PKP2: variants seen among roughly 807,000 people sequenced by gnomAD.
The protein encoded by PKP2 is plakophilin-2.
In PKP2, 73 loss-of-function variants were observed where a neutral mutation model predicts 83.4. The ratio of observed to expected loss-of-function variants is 0.88; its 90% CI spans 0.72 to 1.06. The LOEUF (loss-of-function observed/expected upper bound fraction) is 1.06, where lower values mean the gene tolerates loss of function less well. Among genes scored for constraint, PKP2 ranks in the 50% least tolerant of loss-of-function variants. The probability of loss-of-function intolerance (pLI) is 0.00; values close to 1 mark genes in which losing one functional copy is unlikely to be tolerated. For synonymous variants in PKP2, 409 were observed against 430.4 expected (o/e 0.95, Z 0.62); for missense variants, 966 against 1,065.4 (o/e 0.91, Z 1.30).
chr12:32,820,806 G>C (rs1174250226), intron 9 of PKP2: 1 of 170,412 alleles, frequency 5.9e-6, no homozygotes, highest in East Asian at 1.6e-4. Flanking sequence ...TCAGAAATGG[G>C]CAAGAGGCCC....
At chr12:32,858,093 A>ATATATATATATATATATATATT (rs2137886601) in intron 4 of PKP2, among the ~76,000 whole-genome samples, 1 of 79,780 alleles carries the variant, frequency 1.3e-5, no homozygotes, top group East Asian at 2.5e-4. Flanking sequence ...AAATATATAT[A>ATATATATATATATATATATATT]TATATATATA....
chr12:32,871,700 GT>G (rs1162637444), intron 3 of PKP2, among the ~76,000 whole-genome samples: 3 of 151,834 alleles, frequency 2.0e-5, no homozygotes, highest in Non-Finnish European at 4.4e-5. Flanking sequence ...TCCTGACCTC[GT>G]GATCCACCCA....
At chr12:32,811,014 G>A (rs1389432347) in intron 9 of PKP2, among the ~76,000 whole-genome samples, 1 of 152,208 alleles carries the variant, frequency 6.6e-6, no homozygotes, top group African/African-American at 2.4e-5. Context: ...AATTTCAGCT[G>A]GGAGATGAGC....
chr12:32,824,302 A>C, intron 6 of PKP2, 140 bp from the exon 7 acceptor site: 1 of 709,346 alleles, frequency 1.4e-6, no homozygotes, highest in Non-Finnish European at 2.6e-6. Context: ...TTGCCCAGTC[A>C]ACAAATCATT....
intron 9 of PKP2, among the ~76,000 whole-genome samples, chr12:32,814,817 T>G (rs1956305754): frequency 6.6e-6 from 1 of 151,770 alleles, no homozygotes; most frequent in Non-Finnish European, 1.5e-5. Flanking sequence ...CTCAGCTACT[T>G]GGGAGGCTGA....
chr12:32,878,954 C>G lies in PKP2; in HGVS notation c.302G>C (p.Arg101Pro). 1 of 1,600,254 alleles carries G rather than the reference C, an allele frequency of 6.2e-7. No homozygotes were observed. The highest frequency in any genetic ancestry group is 8.6e-7 in the Non-Finnish European group (1 of 1,169,196). ...HLVENDFVGG[R>P]SPVPKTYDML... is the part of the protein sequence containing the mutation. Reference sequence around the variant, plus strand: ...GTCATAGGTTTTAGGAACAGGGGAACGGCCTCCAACAAAATCATTTTCAAC... The same window carrying G: ...GTCATAGGTTTTAGGAACAGGGGAAGGGCCTCCAACAAAATCATTTTCAAC... Residue 101 changes from arginine to proline, a missense_variant, in exon 2 of 13, where the codon CGT (arginine) becomes CCT (proline). By Grantham distance (103) the Arg-to-Pro change is moderately radical (BLOSUM62 -2). Coordinates refer to ENST00000340811, the MANE Select transcript of PKP2 (RefSeq NM_001005242.3).
intron 1 of PKP2, among the ~76,000 whole-genome samples, chr12:32,887,790 TA>T (rs1957043089): frequency 6.6e-6 from 1 of 152,214 alleles, no homozygotes; most frequent in African/African-American, 2.4e-5. Flanking sequence ...TTGTTTGAGG[TA>T]TTAGAATATG....
rs1484820531 is a variant in PKP2, at chr12:32,824,061, TA to T, written c.1657del (p.Tyr553ThrfsTer59). ...VHYVRGTIAD[Y>X]QPDDKATENC... ...TTGAATTACCTTGTCATCTGGCTGGTAATCTGCAATGGTTCCTCTGACATAA... is the reference window on the plus strand; with the variant it reads ...TTGAATTACCTTGTCATCTGGCTGGTATCTGCAATGGTTCCTCTGACATAA... On this transcript the variant is annotated frameshift_variant, in exon 7 of 13. Coordinates refer to ENST00000340811, the MANE Select transcript of PKP2 (RefSeq NM_001005242.3). LOFTEE classifies it high-confidence loss of function. 1.3e-6 allele frequency: 2 copies of T among 1,586,532 alleles called. No individual in the cohort carries two copies. Among genetic ancestry groups the T allele is most frequent in the South Asian group, 2.2e-5 (2 of 90,540 alleles).
At chr12:32,841,254 A>T in intron 5 of PKP2, 49 bp from the exon 6 acceptor site, 1 of 1,499,274 alleles carries the variant, frequency 6.7e-7, no homozygotes, top group Non-Finnish European at 9.2e-7. Flanking sequence ...TGGGACCAAA[A>T]TGACCGCTGA....
chr12:32,865,524 A>G (rs1359293789), intron 4 of PKP2, among the ~76,000 whole-genome samples: 1 of 151,854 alleles, frequency 6.6e-6, no homozygotes, highest in Non-Finnish European at 1.5e-5. Context: ...CCACTAAAAA[A>G]AAAATACAAA....
intron 1 of PKP2, among the ~76,000 whole-genome samples, chr12:32,885,670 A>C (rs7303421): frequency 0.033 from 4,347 of 133,514 alleles, 144 homozygotes; most frequent in African/African-American, 0.1. Flanking sequence ...TCCCCCCCCC[A>C]AAAAAAAAAC....
chr12:32,800,377 T>C (rs1236472111), intron 10 of PKP2, among the ~76,000 whole-genome samples: 1 of 152,216 alleles, frequency 6.6e-6, no homozygotes, highest in Non-Finnish European at 1.5e-5. Context: ...TAAAAGGCAC[T>C]GAATGATATG....
At position 32,896,504 on chromosome 12, in the gene PKP2, C is replaced by G; in HGVS notation, c.223+5G>C. ...CGGCGCCGGGGAGCGGCGGGCTCCA[C>G]TCACCGTTGCCCACGGAGCTGCGGC... On this transcript the variant is annotated splice_donor_5th_base_variant and intron_variant, in intron 1 of 12. Coordinates refer to ENST00000340811, the MANE Select transcript of PKP2 (RefSeq NM_001005242.3). 6.6e-7 allele frequency: 1 copy of G among 1,504,888 alleles called. No homozygotes were observed. The highest frequency in any genetic ancestry group is 8.9e-7 in the Non-Finnish European group (1 of 1,128,962). 93.2% of individuals were successfully genotyped at this position (1,504,888 alleles called of 1,614,324 possible).
chr12:32,871,494 C>T (rs1445036883), intron 3 of PKP2, among the ~76,000 whole-genome samples: 1 of 151,768 alleles, frequency 6.6e-6, no homozygotes, highest in Non-Finnish European at 1.5e-5. Flanking sequence ...GAGACGGAGT[C>T]TTGCTCTGTC....
chr12:32,859,461 TTG>T (rs374539238), intron 4 of PKP2, among the ~76,000 whole-genome samples: 1 of 151,530 alleles, frequency 6.6e-6, no homozygotes, highest in African/African-American at 2.4e-5. Flanking sequence ...ACTTTTTTTT[TTG>T]TGTGTGTGTG....
chr12:32,841,003 C>CATTTTT, intron 6 of PKP2, 25 bp downstream of exon 6: 1 of 1,592,170 alleles, frequency 6.3e-7, no homozygotes, highest in Admixed American at 1.7e-5. Context: ...CATCTTCTAT[C>CATTTTT]AGGGCAGGGT....
chr12:32,840,099 A>T (rs566252144), intron 6 of PKP2, among the ~76,000 whole-genome samples: 16 of 152,252 alleles, frequency 1.1e-4, no homozygotes, highest in Admixed American at 9.8e-4. Flanking sequence ...GCTTGTTAAA[A>T]CTAGATTGCT....
chr12:32,869,166 A>G (rs1956877201), intron 3 of PKP2, 104 bp from the exon 4 acceptor site: 1 of 1,334,890 alleles, frequency 7.5e-7, no homozygotes, highest in Non-Finnish European at 1.1e-6. Flanking sequence ...AAGCACTAGA[A>G]CATCTGAACC....
intron 10 of PKP2, among the ~76,000 whole-genome samples, chr12:32,797,867 A>AT (rs1956143287): frequency 1.3e-5 from 2 of 151,806 alleles, no homozygotes; most frequent in African/African-American, 4.8e-5. Context: ...AGCTAAAATC[A>AT]TTTTTAAGGC....
Sources: gnomAD v4.1 joint callset for allele counts (sites outside exome capture counted in the v4.1 genomes callset) on GRCh38, gnomAD v4.1.1 for gene constraint, MANE v1.5 for transcripts, NCBI Gene and HGNC (gene_info 2026-07-23, HGNC 2026-07-21) for gene names.